SLC5A10: variants seen among roughly 807,000 people sequenced by gnomAD.
The protein encoded by SLC5A10 is sodium/mannose cotransporter SLC5A10.
In SLC5A10, 55 loss-of-function variants were observed where a neutral mutation model predicts 68.9. The ratio of observed to expected loss-of-function variants is 0.80; its 90% CI spans 0.64 to 1.00. The LOEUF (loss-of-function observed/expected upper bound fraction) is 1.00. Ranked by LOEUF, SLC5A10 falls within the 50% of genes least tolerant of loss-of-function variation. The pLI is 0.00. For synonymous variants in SLC5A10, 344 were observed against 344.8 expected, an observed-to-expected ratio of 1.00 and a Z score of 0.02; for missense variants, 732 against 819.3, an observed-to-expected ratio of 0.89 and a Z score of 1.30.
rs766972960 is a variant in SLC5A10, at chr17:19,003,794, C to T, written c.983-9616C>T. The T allele has an allele frequency of 6.2e-7, 1 of 1,612,368 alleles. No homozygotes were observed. Among genetic ancestry groups the T allele is most frequent in the South Asian group, 1.1e-5 (1 of 91,056 alleles). ...CTCGGGCCCCTGAGAGGGGCCCGTGCCCCGAGGGTCCTCAGAGCCCGGGTC... is the reference window on the plus strand; with the variant it reads ...CTCGGGCCCCTGAGAGGGGCCCGTGTCCCGAGGGTCCTCAGAGCCCGGGTC... On this transcript the variant is annotated intron_variant, in intron 9 of 14. Transcript: ENST00000395645. The surrounding 1 kb of genome is among the most constrained non-coding windows in gnomAD (Gnocchi z 4.5).
intron 9 of SLC5A10, among the ~76,000 whole-genome samples, chr17:18,981,520 T>G (rs1016834163): frequency 5.9e-5 from 9 of 152,004 alleles, no homozygotes; most frequent in African/African-American, 2.2e-4. Flanking sequence ...GTGAATGCTA[T>G]GGGAGAGGAG....
rs748232969 is a variant in SLC5A10 at position 19,003,723 on chromosome 17, C to T, written c.983-9687C>T. 1.9e-6 allele frequency: 3 copies of T among 1,603,582 alleles called. No individual in the cohort carries two copies. Among genetic ancestry groups the T allele is most frequent in the African/African-American group, 2.7e-5 (2 of 74,518 alleles). On this transcript the variant is annotated intron_variant, in intron 9 of 14. Transcript: ENST00000395645. This position sits in a 1 kb window ranked among gnomAD's most constrained non-coding sequence, Gnocchi z 4.5. Reference sequence around the variant, plus strand: ...GGCAGCGGCTCGGCCTCGATGGGGACCCCATCCGCCCCGCTGGCTTCCTCG... The same window carrying T: ...GGCAGCGGCTCGGCCTCGATGGGGATCCCATCCGCCCCGCTGGCTTCCTCG...
chr17:19,014,731 C>T (rs1314217340), intron 10 of SLC5A10, among the ~76,000 whole-genome samples: 1 of 152,196 alleles, frequency 6.6e-6, no homozygotes, highest in Non-Finnish European at 1.5e-5. Context: ...GCTTTGTCAA[C>T]GCCAGGCTCT....
At chr17:18,980,553 C>G (rs1437247779) in intron 9 of SLC5A10, among the ~76,000 whole-genome samples, 4 of 152,146 alleles carry the variant, frequency 2.6e-5, no homozygotes, top group Admixed American at 2.6e-4. Flanking sequence ...GTCTCTGGAG[C>G]TGCCAAGGGC....
At chr17:18,979,405 C>T (rs1182343473) in intron 9 of SLC5A10, 2 of 951,310 alleles carry the variant, frequency 2.1e-6, no homozygotes, top group East Asian at 2.7e-5. Context: ...GACAGACAGG[C>T]GGGCAGATGT....
At chr17:18,967,127 T>G (rs931229846) in intron 5 of SLC5A10, among the ~76,000 whole-genome samples, 2 of 152,100 alleles carry the variant, frequency 1.3e-5, no homozygotes, top group African/African-American at 4.8e-5. Flanking sequence ...TAGGGCTAAG[T>G]GATGTCTGAA....
chr17:18,981,661 C>T (rs1324448232), intron 9 of SLC5A10, among the ~76,000 whole-genome samples: 4 of 152,158 alleles, frequency 2.6e-5, no homozygotes, highest in Non-Finnish European at 4.4e-5. Flanking sequence ...AGGTGTGGGC[C>T]GTGGGTGAGT....
At chr17:19,013,380 A>T (rs1240171740) in intron 9 of SLC5A10, 30 bp from the exon 10 acceptor site, 2 of 1,604,188 alleles carry the variant, frequency 1.2e-6, no homozygotes, top group Admixed American at 1.7e-5. Context: ...GTCTATGAGG[A>T]GAGACACCAA....
rs954847925 is a variant in SLC5A10, at chr17:18,969,374, C to G, written c.592C>G (p.Leu198Val). Residue 198 changes from leucine (L) to valine (V), a missense_variant, in exon 7 of 15, where the codon CTG becomes GTG. Coordinates refer to ENST00000395645, the MANE Select transcript of SLC5A10 (RefSeq NM_001042450.4). ...GGCTGCTGTAATCTACACGGACGCC[C>G]TGCAGACGCTCATCATGGTGGTGGG... ...GLAAVIYTDA[L>V]QTLIMVVGAV... The G allele has an allele frequency of 6.2e-7, 1 of 1,613,758 alleles. No homozygotes were observed. The highest frequency in any genetic ancestry group is 8.5e-7 in the Non-Finnish European group (1 of 1,180,024).
At position 19,017,059 on chromosome 17, in the gene SLC5A10, C is replaced by A. The variant is rs372310196; in HGVS notation, c.1241+1860C>A. Among the ~76,000 whole-genome samples, 74 of 152,328 alleles carry A rather than the reference C, an allele frequency of 4.9e-4. 2 individuals are homozygous for A. The South Asian group carries it at 0.015, about 31-fold the overall frequency. On this transcript the variant is annotated intron_variant, in intron 11 of 14. Transcript: ENST00000395645. This position sits in a 1 kb window ranked among gnomAD's most constrained non-coding sequence, Gnocchi z 5.6. ...GCGCCAGCTCACCCAGCTGCCCGTG[C>A]CCTTGACCCTCCTTCCCACCTCTTC...
Position 19,017,310 on chromosome 17 carries a change from C to G in SLC5A10, c.1241+2111C>G. On this transcript the variant is annotated intron_variant, in intron 11 of 14. Coordinates refer to ENST00000395645, the MANE Select transcript of SLC5A10 (RefSeq NM_001042450.4). This position sits in a 1 kb window ranked among gnomAD's most constrained non-coding sequence, Gnocchi z 5.6. ...ACTGGGATACCCTCAACACCCCCAG[C>G]CCCTCAAAGCCGTCTCAGCTTCCTC... 6.4e-7 allele frequency: 1 copy of G among 1,552,138 alleles called. No individual in the cohort carries two copies. Among genetic ancestry groups the G allele is most frequent in the Non-Finnish European group, 8.7e-7 (1 of 1,147,074 alleles).
At position 18,959,410 on chromosome 17, in the gene SLC5A10, C is replaced by T. The variant is rs544653765; in HGVS notation, c.288+171C>T. Among the ~76,000 whole-genome samples the T allele has an allele frequency of 2.6e-5, 4 of 152,348 alleles. No individual in the cohort carries two copies. In the East Asian group the frequency reaches 5.8e-4, roughly 22 times the overall value. On this transcript the variant is annotated intron_variant, in intron 3 of 14. Coordinates refer to ENST00000395645, the MANE Select transcript of SLC5A10 (RefSeq NM_001042450.4). Reference sequence around the variant, plus strand: ...TTCAGAATACCAAGGTGCTGGATGGCACGACTGGCAGGGAGCTGTGGGCCT... The same window carrying T: ...TTCAGAATACCAAGGTGCTGGATGGTACGACTGGCAGGGAGCTGTGGGCCT...
intron 10 of SLC5A10, among the ~76,000 whole-genome samples, chr17:19,014,428 GGA>G (rs1286990962): frequency 6.6e-6 from 1 of 152,182 alleles, no homozygotes; most frequent in Non-Finnish European, 1.5e-5. Context: ...ACAGAGCCAA[GGA>G]GAGAGGGGAT....
At position 19,019,575 on chromosome 17, in the gene SLC5A10, G is replaced by A. The variant is rs762789917; in HGVS notation, c.1394G>A (p.Arg465Gln). Residue 465 changes from arginine to glutamine, a missense_variant, in exon 12 of 15, where the codon CGA becomes CAA. Coordinates refer to ENST00000395645, the MANE Select transcript of SLC5A10 (RefSeq NM_001042450.4). ...TAVFVLGVFW[R>Q]RANEQGAFWG... ...GTCTTTGTCCTGGGCGTCTTCTGGC[G>A]ACGTGCCAACGAGCAGGTGGGCGTC... is the stretch of plus-strand genomic sequence containing the variant. 32 of 1,611,564 alleles carry A rather than the reference G, an allele frequency of 2.0e-5. No homozygotes were observed. The highest frequency in any genetic ancestry group is 1.3e-4 in the Admixed American group (8 of 59,998).
At chr17:19,014,238 C>T (rs2044082325) in intron 10 of SLC5A10, among the ~76,000 whole-genome samples, 1 of 152,142 alleles carries the variant, frequency 6.6e-6, no homozygotes, top group Non-Finnish European at 1.5e-5. Flanking sequence ...AACTCATCCC[C>T]AGAGAGGGGA....
At chr17:19,019,992 C>A (rs1218695530) in intron 13 of SLC5A10, 64 bp downstream of exon 13, 5 of 1,499,256 alleles carry the variant, frequency 3.3e-6, no homozygotes, top group Non-Finnish European at 3.6e-6. Flanking sequence ...CCATTCTCAT[C>A]CCCGACCCAC....
At chr17:18,977,749 G>A (rs371125554) in intron 9 of SLC5A10, 78 of 1,605,354 alleles carry the variant, frequency 4.9e-5, no homozygotes, top group East Asian at 1.8e-4. Context: ...GGGTTGGCCC[G>A]TTGGCCACTT....
chr17:18,999,971 G>A (rs1401548136), intron 9 of SLC5A10, among the ~76,000 whole-genome samples: 1 of 152,224 alleles, frequency 6.6e-6, no homozygotes, highest in African/African-American at 2.4e-5. Context: ...TCTGCTGGAG[G>A]AGCAACCAGC....
chr17:18,992,052 G>A (rs1243732255), intron 9 of SLC5A10, among the ~76,000 whole-genome samples: 4 of 152,146 alleles, frequency 2.6e-5, no homozygotes, highest in Non-Finnish European at 5.9e-5. Flanking sequence ...GCGAGCCTGC[G>A]CCTGCCCCAG....
Sources: gnomAD v4.1 joint callset for allele counts (sites outside exome capture counted in the v4.1 genomes callset) on GRCh38, gnomAD v4.1.1 for gene constraint, Gnocchi (gnomAD v3.1) non-coding constraint, MANE v1.5 for transcripts, NCBI Gene and HGNC (gene_info 2026-07-23, HGNC 2026-07-21) for gene names.